LINGO2: variants seen among roughly 807,000 people sequenced by gnomAD.
LINGO2 encodes leucine rich repeat and Ig domain containing 2.
LINGO2 carries 14 observed loss-of-function variants against 30.6 expected under a neutral mutation model. That is an observed-to-expected ratio of 0.46 (90% CI 0.30 to 0.72). LINGO2 has a LOEUF of 0.72. Among genes scored for constraint, LINGO2 ranks in the 30% least tolerant of loss-of-function variants. The pLI is 0.07. For missense variants in LINGO2, 729 were observed against 751.7 expected (o/e 0.97, Z 0.35); for synonymous variants, 317 against 288.5 (o/e 1.10, Z -1.00).
the LINGO2 span, among the ~76,000 whole-genome samples, chr9:28,799,968 A>T: frequency 9.1e-3 from 1,377 of 152,122 alleles, 19 homozygotes; most frequent in African/African-American, 0.032. Flanking sequence ...TTAGCAAAAA[A>T]CTTTTTTTTT....
chr9:28,055,453 C>T (rs559946822), intron 4 of LINGO2, among the ~76,000 whole-genome samples: 1 of 152,120 alleles, frequency 6.6e-6, no homozygotes. Context: ...TGCAGCAAGT[C>T]TGTTTGCATA....
At chr9:29,185,152 G>A in the LINGO2 span, among the ~76,000 whole-genome samples, 1 of 152,072 alleles carries the variant, frequency 6.6e-6, no homozygotes, top group African/African-American at 2.4e-5. Flanking sequence ...CTATTCCACA[G>A]AGTGTCTCAT....
the LINGO2 span, among the ~76,000 whole-genome samples, chr9:29,141,452 G>A: frequency 6.6e-6 from 1 of 151,612 alleles, no homozygotes; most frequent in Admixed American, 6.6e-5. Flanking sequence ...CAAAACATAT[G>A]ACTACAAAAA....
chr9:28,294,126 T>C (rs947464402), intron 4 of LINGO2, among the ~76,000 whole-genome samples: 2 of 152,216 alleles, frequency 1.3e-5, no homozygotes, highest in African/African-American at 4.8e-5. Context: ...TATATGCAAA[T>C]AAGTCATTAG....
intron 1 of LINGO2, among the ~76,000 whole-genome samples, chr9:28,590,780 C>T (rs1460558270): frequency 6.6e-6 from 1 of 152,088 alleles, no homozygotes; most frequent in Non-Finnish European, 1.5e-5. Flanking sequence ...ACTAGAAATA[C>T]CATTTGACCC....
At chr9:28,914,860 C>T in the LINGO2 span, among the ~76,000 whole-genome samples, 2 of 152,120 alleles carry the variant, frequency 1.3e-5, no homozygotes, top group African/African-American at 2.4e-5. Context: ...ACGCTGGGTG[C>T]GGTGGCTCAC....
At chr9:28,398,392 A>C (rs1415877502) in intron 2 of LINGO2, among the ~76,000 whole-genome samples, 1 of 152,204 alleles carries the variant, frequency 6.6e-6, no homozygotes, top group African/African-American at 2.4e-5. Flanking sequence ...GGTTATGAGT[A>C]AACATTTCTA....
intron 4 of LINGO2, among the ~76,000 whole-genome samples, chr9:28,245,560 C>T (rs965919834): frequency 3.3e-5 from 5 of 151,950 alleles, no homozygotes; most frequent in African/African-American, 4.8e-5. Flanking sequence ...ACCCCATCAT[C>T]TCAGCCCATA....
At chr9:28,058,366 C>T (rs2133109530) in intron 4 of LINGO2, among the ~76,000 whole-genome samples, 1 of 152,252 alleles carries the variant, frequency 6.6e-6, no homozygotes, top group South Asian at 2.1e-4. Context: ...CTCATTGTCA[C>T]TCATATATGG....
At chr9:29,196,648 A>G in the LINGO2 span, among the ~76,000 whole-genome samples, 1 of 152,058 alleles carries the variant, frequency 6.6e-6, no homozygotes, top group African/African-American at 2.4e-5. Flanking sequence ...AACAAATCTA[A>G]AGAAGCCTAT....
the LINGO2 span, among the ~76,000 whole-genome samples, chr9:28,989,412 T>C: frequency 6.6e-6 from 1 of 152,170 alleles, no homozygotes; most frequent in Non-Finnish European, 1.5e-5. Flanking sequence ...CTGTTTACTA[T>C]TTACATTCAC....
chr9:29,161,234 CAG>C, the LINGO2 span, among the ~76,000 whole-genome samples: 1 of 152,176 alleles, frequency 6.6e-6, no homozygotes, highest in East Asian at 1.9e-4. Flanking sequence ...TAAAGGTAGA[CAG>C]TGTGAGGGAG....
intron 4 of LINGO2, among the ~76,000 whole-genome samples, chr9:28,038,469 G>A (rs966205409): frequency 2.0e-5 from 3 of 152,086 alleles, no homozygotes; most frequent in African/African-American, 4.8e-5. Flanking sequence ...CGAGGCGGGC[G>A]GATCACGAGG....
chr9:28,100,597 C>A (rs1563974770), intron 4 of LINGO2, among the ~76,000 whole-genome samples: 1 of 152,154 alleles, frequency 6.6e-6, no homozygotes. Flanking sequence ...GAAGACAATT[C>A]TAGTTGGGCA....
At chr9:29,062,561 T>C in the LINGO2 span, among the ~76,000 whole-genome samples, 2 of 152,114 alleles carry the variant, frequency 1.3e-5, no homozygotes, top group Non-Finnish European at 2.9e-5. Flanking sequence ...GAAAACGTCA[T>C]GCTAAGTGAA....
chr9:28,179,501 A>G (rs1480653930), intron 4 of LINGO2, among the ~76,000 whole-genome samples: 3 of 128,174 alleles, frequency 2.3e-5, no homozygotes, highest in Non-Finnish European at 4.8e-5. Flanking sequence ...TATACTATAT[A>G]TGTACTATAT....
chr9:28,539,096 G>T (rs1821564955), intron 1 of LINGO2, among the ~76,000 whole-genome samples: 2 of 151,832 alleles, frequency 1.3e-5, no homozygotes, highest in African/African-American at 4.8e-5. Context: ...CTAAATAAAA[G>T]ATATTCTTTC....
At chr9:28,380,671 T>C (rs989812341) in intron 2 of LINGO2, among the ~76,000 whole-genome samples, 23 of 152,058 alleles carry the variant, frequency 1.5e-4, no homozygotes, top group Non-Finnish European at 2.6e-4. Context: ...GGTTATTTGG[T>C]AGCTAATAGG....
intron 4 of LINGO2, among the ~76,000 whole-genome samples, chr9:28,126,017 T>C (rs1249304729): frequency 6.6e-6 from 1 of 152,176 alleles, no homozygotes; most frequent in Non-Finnish European, 1.5e-5. Flanking sequence ...TTAACAAGGC[T>C]GATTTAAATA....
Sources: allele counts gnomAD v4.1 joint callset (sites outside exome capture counted in the v4.1 genomes callset), GRCh38; gene constraint gnomAD v4.1.1; transcripts MANE v1.5; gene names NCBI Gene and HGNC (gene_info 2026-07-23, HGNC 2026-07-21).